The following KLF12 variants were observed in gnomAD, a reference collection of about 807,000 sequenced individuals.
The protein encoded by KLF12 is KLF transcription factor 12.
Under a neutral mutation model 37.8 loss-of-function variants are expected in KLF12, and 9 were observed. The observed-to-expected ratio is 0.24, with a 90% CI of 0.14 to 0.42. The LOEUF (loss-of-function observed/expected upper bound fraction) is 0.42, where lower values mean the gene tolerates loss of function less well. Among genes scored for constraint, KLF12 ranks in the 10% least tolerant of loss-of-function variants. The probability of loss-of-function intolerance (pLI) is 1.00; values close to 1 mark genes in which losing one functional copy is unlikely to be tolerated. For synonymous variants in KLF12, 208 were observed against 202.1 expected (o/e 1.03, Z -0.25); for missense variants, 411 against 516.0 (o/e 0.80, Z 1.97).
chr13:74,019,567 AT>A (rs1892787438), intron 1 of KLF12, among the ~76,000 whole-genome samples: 1 of 152,246 alleles, frequency 6.6e-6, no homozygotes, highest in South Asian at 2.1e-4. Flanking sequence ...AAACTCTAAC[AT>A]CGTATGTTTA....
intron 1 of KLF12, among the ~76,000 whole-genome samples, chr13:74,051,641 A>G (rs1477041554): frequency 6.6e-6 from 1 of 152,068 alleles, no homozygotes; most frequent in Non-Finnish European, 1.5e-5. Flanking sequence ...ACATACCATC[A>G]CCACTCGCCA....
chr13:73,947,924 A>T (rs4883960), intron 2 of KLF12, among the ~76,000 whole-genome samples: 11,615 of 152,140 alleles, frequency 0.076, 610 homozygotes, highest in Admixed American at 0.17. Context: ...CTCATTTTGC[A>T]CAAATGGAGT....
intron 1 of KLF12, among the ~76,000 whole-genome samples, chr13:74,059,477 A>C (rs1422817259): frequency 6.6e-6 from 1 of 152,180 alleles, no homozygotes; most frequent in East Asian, 1.9e-4. Context: ...TGCTATTCTG[A>C]CAATTATTAT....
intron 1 of KLF12, among the ~76,000 whole-genome samples, chr13:74,091,249 G>T (rs760299107): frequency 6.6e-6 from 1 of 152,028 alleles, no homozygotes; most frequent in Non-Finnish European, 1.5e-5. Flanking sequence ...ACAAACATTC[G>T]AACTAAAACA....
chr13:73,805,376 T>G (rs1276530338), intron 5 of KLF12, among the ~76,000 whole-genome samples: 1 of 151,984 alleles, frequency 6.6e-6, no homozygotes. Flanking sequence ...TCCCAACATT[T>G]TGGGACACCG....
chr13:73,896,033 G>C (rs1468705097), intron 3 of KLF12, among the ~76,000 whole-genome samples: 1 of 151,934 alleles, frequency 6.6e-6, no homozygotes, highest in Non-Finnish European at 1.5e-5. Flanking sequence ...TGTTGGCCAG[G>C]CTGGTCTTGA....
intron 2 of KLF12, among the ~76,000 whole-genome samples, chr13:73,991,328 C>T (rs1294400149): frequency 6.6e-6 from 1 of 152,132 alleles, no homozygotes; most frequent in Non-Finnish European, 1.5e-5. Flanking sequence ...ATGCAGCCAA[C>T]CAAGTCTTAC....
At chr13:73,743,555 G>A (rs940630460) in intron 6 of KLF12, among the ~76,000 whole-genome samples, 3 of 152,102 alleles carry the variant, frequency 2.0e-5, no homozygotes, top group Non-Finnish European at 2.9e-5. Flanking sequence ...GGCAGGGTTG[G>A]GGGAGTACTA....
chr13:74,105,677 C>T (rs1311133859), intron 1 of KLF12, among the ~76,000 whole-genome samples: 1 of 152,114 alleles, frequency 6.6e-6, no homozygotes, highest in African/African-American at 2.4e-5. Flanking sequence ...ATTTGGCTTC[C>T]AACCTGGATG....
intron 6 of KLF12, among the ~76,000 whole-genome samples, chr13:73,756,595 C>CG (rs1356218801): frequency 6.6e-6 from 1 of 152,182 alleles, no homozygotes; most frequent in Non-Finnish European, 1.5e-5. Context: ...GGAAAAGCTA[C>CG]TACCCTTACG....
chr13:73,717,675 C>A (rs1444813268), intron 6 of KLF12, among the ~76,000 whole-genome samples: 1 of 152,174 alleles, frequency 6.6e-6, no homozygotes, highest in Non-Finnish European at 1.5e-5. Flanking sequence ...TTATGTATGG[C>A]CAAGCCACTT....
intron 5 of KLF12, among the ~76,000 whole-genome samples, chr13:73,777,332 G>A (rs1214439101): frequency 6.6e-6 from 1 of 152,212 alleles, no homozygotes; most frequent in Admixed American, 6.5e-5. Context: ...CCTTGATGAT[G>A]CAATCGATGT....
chr13:74,037,184 C>T (rs1411158515), intron 1 of KLF12, among the ~76,000 whole-genome samples: 2 of 130,334 alleles, frequency 1.5e-5, no homozygotes, highest in African/African-American at 5.9e-5. Context: ...GCCAAGGCAA[C>T]AGAGCAAGAC....
At chr13:73,896,004 TAG>T (rs1050936163) in intron 3 of KLF12, among the ~76,000 whole-genome samples, 1 of 151,970 alleles carries the variant, frequency 6.6e-6, no homozygotes, top group Admixed American at 6.6e-5. Flanking sequence ...TATTTTTTAG[TAG>T]AGAGAGGGTT....
At chr13:73,741,761 T>A (rs955316807) in intron 6 of KLF12, among the ~76,000 whole-genome samples, 5 of 152,222 alleles carry the variant, frequency 3.3e-5, no homozygotes, top group African/African-American at 1.2e-4. Context: ...TCTTATCTTT[T>A]AAAATATTCT....
chr13:74,014,845 C>G (rs183719938), intron 1 of KLF12, among the ~76,000 whole-genome samples: 9 of 152,186 alleles, frequency 5.9e-5, no homozygotes, highest in Admixed American at 5.2e-4. Flanking sequence ...CCTCACAGGA[C>G]CACCAAATTT....
chr13:73,947,392 T>C (rs937176890), intron 2 of KLF12, among the ~76,000 whole-genome samples: 6 of 152,300 alleles, frequency 3.9e-5, no homozygotes, highest in African/African-American at 1.2e-4. Context: ...GGCTCACTCT[T>C]GTAATCACAA....
intron 5 of KLF12, among the ~76,000 whole-genome samples, chr13:73,771,601 T>C (rs1347469345): frequency 6.6e-6 from 1 of 152,256 alleles, no homozygotes; most frequent in African/African-American, 2.4e-5. Context: ...TAATTGAACA[T>C]TATTAATTCA....
chr13:73,749,323 G>A (rs1272632171), intron 6 of KLF12, among the ~76,000 whole-genome samples: 1 of 152,142 alleles, frequency 6.6e-6, no homozygotes, highest in Non-Finnish European at 1.5e-5. Flanking sequence ...AACAGAGCCT[G>A]CATTTAAATC....
Sources: gnomAD v4.1 joint callset for allele counts (sites outside exome capture counted in the v4.1 genomes callset) on GRCh38, gnomAD v4.1.1 for gene constraint, MANE v1.5 for transcripts, NCBI Gene and HGNC (gene_info 2026-07-23, HGNC 2026-07-21) for gene names.